AOPEP: variants seen among roughly 807,000 people sequenced by gnomAD.
AOPEP encodes the protein aminopeptidase O (putative).
AOPEP carries 77 observed loss-of-function variants against 98.1 expected under a neutral mutation model. That is an observed-to-expected ratio of 0.78 (90% CI 0.65 to 0.95). AOPEP has a LOEUF of 0.95. AOPEP is among the 40% of genes least tolerant of loss of function. The pLI, the probability that AOPEP is intolerant of heterozygous loss-of-function variation, is 0.00. For missense variants in AOPEP, 1,024 were observed against 1,024.7 expected, an observed-to-expected ratio of 1.00 and a Z score of 0.01; for synonymous variants, 346 against 365.3, an observed-to-expected ratio of 0.95 and a Z score of 0.60.
At chr9:95,055,788 A>G (rs2066763525) in intron 13 of AOPEP, among the ~76,000 whole-genome samples, 1 of 152,314 alleles carries the variant, frequency 6.6e-6, no homozygotes, top group African/African-American at 2.4e-5. Context: ...CCCCTGCCCG[A>G]AGGCCGCCTG....
At chr9:94,943,684 T>C (rs1045786760) in intron 7 of AOPEP, among the ~76,000 whole-genome samples, 3 of 151,044 alleles carry the variant, frequency 2.0e-5, no homozygotes, top group African/African-American at 7.3e-5. Flanking sequence ...TTTGGGACGC[T>C]GAGGCGGGCA....
intron 3 of AOPEP, 111 bp downstream of exon 3, chr9:94,773,279 G>A: frequency 1.0e-6 from 1 of 991,884 alleles, no homozygotes; most frequent in Non-Finnish European, 1.5e-6. Flanking sequence ...AGTTGGGTTG[G>A]AAATGATCAT....
At chr9:95,034,997 C>CT (rs2064665948) in intron 13 of AOPEP, among the ~76,000 whole-genome samples, 1 of 139,618 alleles carries the variant, frequency 7.2e-6, no homozygotes, top group Non-Finnish European at 1.5e-5. Flanking sequence ...TTTTTTTATA[C>CT]TTTTAAGTTC....
the AOPEP span, among the ~76,000 whole-genome samples, chr9:95,103,498 C>G: frequency 1.7e-4 from 26 of 152,286 alleles, no homozygotes; most frequent in South Asian, 5.4e-3. Flanking sequence ...CAGGACAGGA[C>G]AGGAGGTGGA....
the AOPEP span, among the ~76,000 whole-genome samples, chr9:95,093,005 A>T: frequency 6.6e-6 from 1 of 152,212 alleles, no homozygotes; most frequent in South Asian, 2.1e-4. Context: ...ATTACGGCAT[A>T]ACTCAGAGAT....
intron 5 of AOPEP, among the ~76,000 whole-genome samples, chr9:94,827,401 G>A (rs907201985): frequency 3.3e-5 from 5 of 151,984 alleles, no homozygotes; most frequent in South Asian, 2.1e-4. Flanking sequence ...TTACATTTTC[G>A]TCCACTGAAG....
At chr9:94,741,959 A>G (rs1833237373) in intron 1 of AOPEP, among the ~76,000 whole-genome samples, 1 of 152,220 alleles carries the variant, frequency 6.6e-6, no homozygotes, top group African/African-American at 2.4e-5. Context: ...ACAACTCAGC[A>G]CTAGAGTGCA....
rs2052861695 is a variant in AOPEP, at chr9:94,916,703, AAAAAAATT to A, written c.1365-7279_1365-7272del. Among the ~76,000 whole-genome samples the A allele has an allele frequency of 4.0e-5, 6 of 150,500 alleles. No individual in the cohort carries two copies. The South Asian group carries it at 1.3e-3, about 32-fold the overall frequency. ...GAGCGAGACTCCCTCTCAAAAAAAA[AAAAAAATT>A]AAATAAATAAATAAATAAATAAATA... is the stretch of plus-strand genomic sequence containing the variant. On this transcript the variant is annotated intron_variant, in intron 5 of 16. Transcript: ENST00000375315.
chr9:94,758,309 G>A (rs1386924933), intron 1 of AOPEP, among the ~76,000 whole-genome samples: 1 of 152,188 alleles, frequency 6.6e-6, no homozygotes, highest in East Asian at 1.9e-4. Context: ...AGGATGCAAG[G>A]GAATGTTGTC....
rs547616086 is a variant in AOPEP, at chr9:94,829,852, C to A, written c.1364+28850C>A. ...GAGCAATTGGTGGTTTAGTTACCAT[C>A]TGACGTCATGACTACAGGTGGCCCA... On this transcript the variant is annotated intron_variant, in intron 5 of 16. Coordinates refer to ENST00000375315, the MANE Select transcript of AOPEP (RefSeq NM_001193329.3). Among the ~76,000 whole-genome samples, 9 of 152,260 alleles carry A rather than the reference C, an allele frequency of 5.9e-5. 1 individual carries two copies. In the South Asian group the frequency reaches 1.9e-3, roughly 32 times the overall value.
intron 13 of AOPEP, among the ~76,000 whole-genome samples, chr9:95,047,970 C>T (rs1198544428): frequency 1.3e-5 from 2 of 152,060 alleles, no homozygotes; most frequent in African/African-American, 4.8e-5. Context: ...AGAAAGCTGC[C>T]CTGGGTGGTT....
At chr9:94,769,786 T>A (rs1045712643) in intron 2 of AOPEP, among the ~76,000 whole-genome samples, 1 of 152,162 alleles carries the variant, frequency 6.6e-6, no homozygotes, top group Non-Finnish European at 1.5e-5. Flanking sequence ...ACTGACCCCC[T>A]TGATGGAAGA....
At chr9:95,141,933 T>C in the AOPEP span, among the ~76,000 whole-genome samples, 1 of 149,790 alleles carries the variant, frequency 6.7e-6, no homozygotes, top group Non-Finnish European at 1.5e-5. Context: ...TCAAAAATAA[T>C]ACAATTACTA....
At chr9:95,096,665 G>C in the AOPEP span, among the ~76,000 whole-genome samples, 1 of 152,140 alleles carries the variant, frequency 6.6e-6, no homozygotes, top group East Asian at 1.9e-4. Flanking sequence ...AGAAGAGGAG[G>C]AGCATGTGAG....
intron 5 of AOPEP, among the ~76,000 whole-genome samples, chr9:94,803,417 A>C (rs536379170): frequency 7.1e-4 from 108 of 152,310 alleles, no homozygotes; most frequent in African/African-American, 2.5e-3. Context: ...TAATCATGTT[A>C]AGCAGTTTCT....
chr9:94,861,822 T>TC, intron 5 of AOPEP, among the ~76,000 whole-genome samples: 1 of 152,164 alleles, frequency 6.6e-6, no homozygotes, highest in Non-Finnish European at 1.5e-5. Context: ...ACTGCATGGG[T>TC]CGGGTCCTCC....
At chr9:95,074,496 C>G (rs1454343813) in intron 14 of AOPEP, among the ~76,000 whole-genome samples, 1 of 152,226 alleles carries the variant, frequency 6.6e-6, no homozygotes, top group Non-Finnish European at 1.5e-5. Context: ...AGTGCTGAAT[C>G]CCTTTCCAAC....
At chr9:95,005,248 C>A in intron 12 of AOPEP, 28 bp downstream of exon 12, 1 of 1,074,374 alleles carries the variant, frequency 9.3e-7, no homozygotes, top group South Asian at 4.4e-5. Context: ...GGTCCCTGCG[C>A]CCCGGTGGCG....
chr9:95,086,025 G>A (rs1239868123), intron 16 of AOPEP: 6 of 1,367,292 alleles, frequency 4.4e-6, no homozygotes, highest in South Asian at 2.3e-5. Flanking sequence ...CCCGCCCTCC[G>A]GTGCCTACTG....
Sources: allele counts gnomAD v4.1 joint callset (sites outside exome capture counted in the v4.1 genomes callset), GRCh38; gene constraint gnomAD v4.1.1; transcripts MANE v1.5; gene names NCBI Gene and HGNC (gene_info 2026-07-23, HGNC 2026-07-21).